The following COG6 variants were observed in gnomAD, a reference collection of about 807,000 sequenced individuals.
The protein encoded by COG6 is conserved oligomeric Golgi complex subunit 6.
Under a neutral mutation model 88.8 loss-of-function variants are expected in COG6, and 74 were observed. The observed-to-expected ratio is 0.83, with a 90% CI of 0.69 to 1.01. COG6 has a LOEUF of 1.01. COG6 is among the 50% of genes least tolerant of loss of function. The pLI is 0.00. For missense variants in COG6, 800 were observed against 797.9 expected, an observed-to-expected ratio of 1.00 and a Z score of -0.03; for synonymous variants, 286 against 278.7, an observed-to-expected ratio of 1.03 and a Z score of -0.26.
intron 1 of COG6, among the ~76,000 whole-genome samples, chr13:39,657,100 C>T (rs1490414762): frequency 3.3e-5 from 5 of 152,272 alleles, no homozygotes; most frequent in African/African-American, 1.2e-4. Flanking sequence ...GGCGCAGTCT[C>T]GGCTCACTGC....
intron 18 of COG6, among the ~76,000 whole-genome samples, chr13:39,744,692 G>A (rs1002840565): frequency 6.6e-6 from 1 of 152,040 alleles, no homozygotes; most frequent in African/African-American, 2.4e-5. Flanking sequence ...AAGATAATTT[G>A]GAGATTCAAT....
chr13:39,715,048 C>T (rs1878450806), intron 13 of COG6, among the ~76,000 whole-genome samples: 1 of 151,962 alleles, frequency 6.6e-6, no homozygotes, highest in Non-Finnish European at 1.5e-5. Flanking sequence ...ACTATGGAGA[C>T]TCAGAAGGGG....
chr13:39,768,550 A>G (rs1295657591), intron 18 of COG6, among the ~76,000 whole-genome samples: 4 of 152,188 alleles, frequency 2.6e-5, no homozygotes, highest in African/African-American at 9.7e-5. Context: ...AATCATAGCC[A>G]TGCCCTTAAT....
At chr13:39,706,183 T>TAC (rs1009356736) in intron 13 of COG6, among the ~76,000 whole-genome samples, 2 of 135,886 alleles carry the variant, frequency 1.5e-5, no homozygotes, top group Non-Finnish European at 3.2e-5. Flanking sequence ...TATATGTATA[T>TAC]ACACACACAC....
intron 4 of COG6, among the ~76,000 whole-genome samples, chr13:39,675,122 CACAA>C (rs1316188897): frequency 1.3e-5 from 2 of 151,922 alleles, no homozygotes; most frequent in Non-Finnish European, 2.9e-5. Flanking sequence ...ACAGTGATTG[CACAA>C]ACATAATCTT....
chr13:39,665,070 T>TA (rs760696385), intron 3 of COG6, 26 bp from the exon 4 acceptor site: 2 of 1,048,014 alleles, frequency 1.9e-6, no homozygotes, highest in Non-Finnish European at 3.0e-6. Context: ...GGAATTTACT[T>TA]ATATTAGATA....
intron 1 of COG6, 21 bp downstream of exon 1, chr13:39,655,900 C>G: frequency 6.3e-7 from 1 of 1,599,728 alleles, no homozygotes; most frequent in Non-Finnish European, 8.5e-7. Context: ...CTGGCGGGGC[C>G]GGAGTCACAG....
At chr13:39,748,977 C>G (rs890063816) in intron 18 of COG6, among the ~76,000 whole-genome samples, 2 of 152,068 alleles carry the variant, frequency 1.3e-5, no homozygotes, top group Admixed American at 6.6e-5. Flanking sequence ...TTATTCTATC[C>G]ATTATTATCA....
At chr13:39,686,902 T>A (rs968931014) in intron 8 of COG6, among the ~76,000 whole-genome samples, 2 of 151,894 alleles carry the variant, frequency 1.3e-5, no homozygotes, top group African/African-American at 4.8e-5. Context: ...GCTATTTTTT[T>A]TTTTTAATAA....
At chr13:39,777,298 G>A (rs1340336236) in intron 18 of COG6, among the ~76,000 whole-genome samples, 2 of 152,164 alleles carry the variant, frequency 1.3e-5, no homozygotes, top group Non-Finnish European at 2.9e-5. Context: ...GCAGTGAAGA[G>A]CAAGGAACGA....
rs147482187 is a variant in COG6 at position 39,694,215 on chromosome 13, A to G, written c.1075-419A>G. ...TAATAGACAAACGATATAATAATTT[A>G]TAGACTGGAATTTATTTTATTTTTT... is the stretch of plus-strand genomic sequence containing the variant. On this transcript the variant is annotated intron_variant, in intron 11 of 18. Transcript: ENST00000455146. Among the ~76,000 whole-genome samples the G allele has an allele frequency of 3.1e-4, 47 of 152,016 alleles. No homozygotes were observed. In the East Asian group the frequency reaches 8.7e-3, roughly 28 times the overall value.
At position 39,659,468 on chromosome 13, in the gene COG6, C is replaced by G; in HGVS notation, c.258C>G (p.Ile86Met). 1 of 1,613,398 alleles carries G rather than the reference C, an allele frequency of 6.2e-7. No homozygotes were observed. The highest frequency in any genetic ancestry group is 8.5e-7 in the Non-Finnish European group (1 of 1,179,674). ...ATATTGAACGTAAAAGTTTAGCCAT[C>G]AATGAAGAATTTGTAAGCATTTTCA... ...RGDIERKSLAINEEFVSIFKE... is the reference protein window; with the variant it reads ...RGDIERKSLAMNEEFVSIFKE... The change falls in exon 2 of 19, where the codon ATC becomes ATG. Residue 86 changes from isoleucine to methionine, a missense_variant. Coordinates refer to ENST00000455146, the MANE Select transcript of COG6 (RefSeq NM_020751.3).
At chr13:39,718,390 T>C (rs1488793317) in intron 13 of COG6, among the ~76,000 whole-genome samples, 1 of 152,124 alleles carries the variant, frequency 6.6e-6, no homozygotes, top group African/African-American at 2.4e-5. Context: ...TTTAAAAAAT[T>C]TACAAAATGT....
At chr13:39,675,395 T>C (rs1451470809) in intron 4 of COG6, among the ~76,000 whole-genome samples, 1 of 152,182 alleles carries the variant, frequency 6.6e-6, no homozygotes, top group African/African-American at 2.4e-5. Context: ...GTCAGAATGG[T>C]TGTGAAAATT....
At chr13:39,703,644 C>T (rs1877712741) in intron 13 of COG6, among the ~76,000 whole-genome samples, 3 of 151,954 alleles carry the variant, frequency 2.0e-5, no homozygotes, top group Non-Finnish European at 2.9e-5. Context: ...CAAGAAAAAA[C>T]ATTTAGAATT....
At position 39,680,061 on chromosome 13, in the gene COG6, T is replaced by C; in HGVS notation, c.694+16T>C. On this transcript the variant is annotated intron_variant, in intron 7 of 18. Transcript: ENST00000455146. ...TGGGCTCAAAGTAAGTGATTTCTTT[T>C]ATGTTGTCTAGATTCATGAACATTT... 6.8e-7 allele frequency: 1 copy of C among 1,478,104 alleles called. No individual in the cohort carries two copies. Among genetic ancestry groups the C allele is most frequent in the Non-Finnish European group, 9.4e-7 (1 of 1,058,482 alleles). 91.6% of individuals were successfully genotyped at this position (1,478,104 alleles called of 1,614,324 possible). A position where few individuals can be genotyped will look rare whatever the true frequency, so the allele number is the denominator to read the frequency against.
At chr13:39,779,156 A>G (rs1376950408) in intron 18 of COG6, among the ~76,000 whole-genome samples, 1 of 152,212 alleles carries the variant, frequency 6.6e-6, no homozygotes, top group African/African-American at 2.4e-5. Context: ...TAAAATAGAA[A>G]TGACATTAGT....
rs116935677 is a variant in COG6, at chr13:39,736,373, G to A, written c.1826+8825G>A. On this transcript the variant is annotated intron_variant, in intron 18 of 18. Transcript: ENST00000455146. Reference sequence around the variant, plus strand: ...GCCTGATTCTTTTTGACTATTTCAAGCTCTTTGTTAAAGTTACCTGATAAG... The same window carrying A: ...GCCTGATTCTTTTTGACTATTTCAAACTCTTTGTTAAAGTTACCTGATAAG... Among the ~76,000 whole-genome samples, 681 of 152,108 alleles carry A rather than the reference G, an allele frequency of 4.5e-3. 2 individuals carry two copies. Among genetic ancestry groups the A allele is most frequent in the Non-Finnish European group, 6.6e-3 (452 of 67,980 alleles).
chr13:39,728,522 G>A (rs1362377970), intron 18 of COG6, among the ~76,000 whole-genome samples: 1 of 151,564 alleles, frequency 6.6e-6, no homozygotes, highest in South Asian at 2.1e-4. Context: ...TTTTAGGTGA[G>A]TGACTAGAGT....
Sources: gnomAD v4.1 joint callset for allele counts (sites outside exome capture counted in the v4.1 genomes callset) on GRCh38, gnomAD v4.1.1 for gene constraint, MANE v1.5 for transcripts, NCBI Gene and HGNC (gene_info 2026-07-23, HGNC 2026-07-21) for gene names.